H6PD: variants seen among roughly 807,000 people sequenced by gnomAD.
H6PD encodes the protein hexose-6-phosphate dehydrogenase/glucose 1-dehydrogenase, also known as GDH/6PGL endoplasmic bifunctional protein.
H6PD carries 48 observed loss-of-function variants against 61.2 expected under a neutral mutation model. That is an observed-to-expected ratio of 0.78 (90% CI 0.62 to 1.00). H6PD has a LOEUF of 1.00. H6PD is among the 50% of genes least tolerant of loss of function. H6PD has a pLI of 0.00. For synonymous variants in H6PD, 480 were observed against 457.9 expected, an observed-to-expected ratio of 1.05 and a Z score of -0.62; for missense variants, 1,093 against 1,065.0, an observed-to-expected ratio of 1.03 and a Z score of -0.37.
chr1:9,239,443 G>T (rs1038657744), intron 1 of H6PD, among the ~76,000 whole-genome samples: 2 of 152,200 alleles, frequency 1.3e-5, no homozygotes, highest in Non-Finnish European at 2.9e-5. Context: ...ATGCAGATCA[G>T]AGGTCATTGA....
Position 9,263,675 on chromosome 1 carries a change from G to A in H6PD, c.1182G>A (p.Leu394=), listed in dbSNP as rs1557750859. ...KHWAAAQSQC[L]PRQLVFHIGH... ...GGGCCGCGGCGCAGAGCCAGTGCCT[G>A]CCCCGGCAGCTCGTCTTCCACATCG... is the stretch of plus-strand genomic sequence containing the variant. The change falls in exon 5 of 5, where the codon CTG becomes CTA. Residue 394 remains leucine (L), a synonymous_variant. Transcript: ENST00000377403. The A allele has an allele frequency of 6.2e-7, 1 of 1,614,062 alleles. No individual in the cohort carries two copies. The highest frequency in any genetic ancestry group is 8.5e-7 in the Non-Finnish European group (1 of 1,180,014).
chr1:9,248,588 G>GT (rs1036961529), intron 3 of H6PD, among the ~76,000 whole-genome samples: 4 of 151,526 alleles, frequency 2.6e-5, no homozygotes, highest in African/African-American at 9.7e-5. Context: ...TTTGAGCTCA[G>GT]TAGTTGGACA....
In H6PD at chr1:9,264,379, C is replaced by T. The variant is rs762995061; in HGVS notation, c.1886C>T (p.Pro629Leu). Residue 629 changes from proline to leucine, a missense_variant, in exon 5 of 5, where the codon CCG becomes CTG. By Grantham distance (98) the Pro-to-Leu change is moderately conservative (BLOSUM62 -3). Transcript: ENST00000377403. ...GAGCGCTGCGTCCCACTCTCAGACC[C>T]GGAGTCCAACTTCCAGGGCCTGCAG... ...VDERCVPLSD[P>L]ESNFQGLQAH... The T allele has an allele frequency of 5.0e-5, 80 of 1,612,868 alleles. 1 individual carries two copies. Among genetic ancestry groups the T allele is most frequent in the East Asian group, 2.2e-5 (1 of 44,884 alleles).
In H6PD at chr1:9,253,491, CA is replaced by C. The variant is rs1382635431; in HGVS notation, c.745+6409del. On this transcript the variant is annotated intron_variant, in intron 3 of 4. Transcript: ENST00000377403. ...CCACTGTAATTCATTGATTGGAAGA[CA>C]TTTTTTTCATATTTGGACGTCTCTG... Among the ~76,000 whole-genome samples the C allele has an allele frequency of 5.3e-5, 8 of 152,320 alleles. No homozygotes were observed. The South Asian group carries it at 6.2e-4, about 12-fold the overall frequency.
intron 3 of H6PD, among the ~76,000 whole-genome samples, chr1:9,255,259 T>A (rs1187373736): frequency 6.7e-6 from 1 of 149,326 alleles, no homozygotes; most frequent in Admixed American, 6.7e-5. Flanking sequence ...TTGAGGCCAA[T>A]AACTCTTATT....
At chr1:9,251,297 C>G (rs901528418) in intron 3 of H6PD, among the ~76,000 whole-genome samples, 1 of 152,198 alleles carries the variant, frequency 6.6e-6, no homozygotes, top group Non-Finnish European at 1.5e-5. Context: ...GGTCTTGGCA[C>G]CTCAGAGCCT....
chr1:9,255,852 A>G (rs1445220332), intron 3 of H6PD, among the ~76,000 whole-genome samples: 2 of 152,124 alleles, frequency 1.3e-5, no homozygotes, highest in East Asian at 3.8e-4. Context: ...TCCTTCCAGA[A>G]GCTCAGCCGG....
chr1:9,248,315 G>A (rs1382485751), intron 3 of H6PD, among the ~76,000 whole-genome samples: 5 of 151,992 alleles, frequency 3.3e-5, no homozygotes, highest in South Asian at 4.1e-4. Flanking sequence ...TCTTTCCCCC[G>A]CCCCTTGGTT....
At chr1:9,244,421 A>G (rs1251542588) in intron 1 of H6PD, among the ~76,000 whole-genome samples, 2 of 152,208 alleles carry the variant, frequency 1.3e-5, no homozygotes, top group Non-Finnish European at 2.9e-5. Flanking sequence ...GTTATTAGTC[A>G]TCACTTGGTA....
rs1367244141 is a variant in H6PD at position 9,263,872 on chromosome 1, T to C, written c.1379T>C (p.Val460Ala). 1 of 1,613,972 alleles carries C rather than the reference T, an allele frequency of 6.2e-7. No individual in the cohort carries two copies. The highest frequency in any genetic ancestry group is 8.5e-7 in the Non-Finnish European group (1 of 1,180,020). ...SPVRERDAHS[V>A]LLSHIFHGRK... is the part of the protein sequence containing the mutation. ...GTGCGGGAGCGGGACGCCCACTCCG[T>C]CCTCTTATCCCATATCTTCCATGGC... The change falls in exon 5 of 5, where the codon GTC becomes GCC. Residue 460 changes from valine (V) to alanine (A), a missense_variant. Physicochemically the swap from Val to Ala is moderately conservative, Grantham distance 64 (BLOSUM62 0). Coordinates refer to ENST00000377403, the MANE Select transcript of H6PD (RefSeq NM_004285.4).
chr1:9,253,483 T>C (rs1641430451), intron 3 of H6PD, among the ~76,000 whole-genome samples: 1 of 152,234 alleles, frequency 6.6e-6, no homozygotes, highest in South Asian at 2.1e-4. Context: ...AATTCATTGA[T>C]TGGAAGACAT....
intron 3 of H6PD, 32 bp from the exon 4 acceptor site, chr1:9,262,027 A>G (rs773690898): frequency 2.5e-6 from 4 of 1,612,648 alleles, no homozygotes; most frequent in Admixed American, 1.7e-5. Context: ...CTCTCTTTAG[A>G]TCCTCCCCAC....
At chr1:9,246,028 C>T (rs1205240204) in intron 2 of H6PD, among the ~76,000 whole-genome samples, 4 of 151,764 alleles carry the variant, frequency 2.6e-5, no homozygotes, top group African/African-American at 9.7e-5. Flanking sequence ...CTGCAACCTC[C>T]GCCTCCTGGG....
chr1:9,262,123 G>A lies in H6PD; in HGVS notation c.810G>A (p.Glu270=), dbSNP rs758659563. The A allele has an allele frequency of 6.2e-7, 1 of 1,614,112 alleles. No homozygotes were observed. Among genetic ancestry groups the A allele is most frequent in the Non-Finnish European group, 8.5e-7 (1 of 1,180,036 alleles). The change falls in exon 4 of 5, where the codon GAG becomes GAA. Residue 270 remains glutamate, a synonymous_variant. Coordinates refer to ENST00000377403, the MANE Select transcript of H6PD (RefSeq NM_004285.4). The part of the protein sequence containing the change: ...IRDVLQNHLT[E]VLTLVAMELP... ...ACGTCCTCCAGAACCATCTGACGGA[G>A]GTCCTCACCCTCGTGGCCATGGAGC...
chr1:9,245,189 C>T lies in H6PD; in HGVS notation c.255C>T (p.Ser85=), dbSNP rs138775586. The part of the protein sequence containing the change: ...ELMAKALESL[S]CPKDMAPSHC... Reference sequence around the variant, plus strand: ...TGGCCAAGGCCCTGGAATCCCTCTCCTGCCCCAAGGACATGGCACCCAGTC... The same window carrying T: ...TGGCCAAGGCCCTGGAATCCCTCTCTTGCCCCAAGGACATGGCACCCAGTC... The change falls in exon 2 of 5, where the codon TCC becomes TCT. Residue 85 remains serine (S), a synonymous_variant. Transcript: ENST00000377403. This position sits in a 1 kb window ranked among gnomAD's most constrained non-coding sequence, Gnocchi z 4.8. 2.6e-3 allele frequency: 4,242 copies of T among 1,614,244 alleles called. 29 individuals carry two copies. The highest frequency in any genetic ancestry group is 0.015 in the South Asian group (1,373 of 91,088).
chr1:9,259,038 C>A (rs1410626420), intron 3 of H6PD, among the ~76,000 whole-genome samples: 1 of 152,162 alleles, frequency 6.6e-6, no homozygotes, highest in Non-Finnish European at 1.5e-5. Flanking sequence ...GTCGCCCAGG[C>A]TGGAGTGTAG....
intron 1 of H6PD, 87 bp downstream of exon 1, chr1:9,235,153 C>T (rs1246444145): frequency 6.6e-6 from 1 of 151,142 alleles, no homozygotes; most frequent in East Asian, 1.9e-4. Flanking sequence ...GCGCCGAGCC[C>T]CGGAGCCTGC....
intron 3 of H6PD, among the ~76,000 whole-genome samples, chr1:9,261,042 C>G (rs1638267096): frequency 1.3e-5 from 2 of 152,234 alleles, no homozygotes; most frequent in Admixed American, 1.3e-4. Flanking sequence ...TCTCCCTCCC[C>G]TCCAGCTCCT....
At chr1:9,251,843 T>C (rs1641374826) in intron 3 of H6PD, among the ~76,000 whole-genome samples, 1 of 151,156 alleles carries the variant, frequency 6.6e-6, no homozygotes, top group Non-Finnish European at 1.5e-5. Context: ...TCCCAGAAGG[T>C]GTTGATGGGG....
Sources: allele counts gnomAD v4.1 joint callset (sites outside exome capture counted in the v4.1 genomes callset), GRCh38; gene constraint gnomAD v4.1.1; non-coding constraint Gnocchi (gnomAD v3.1); transcripts MANE v1.5; gene names NCBI Gene and HGNC (gene_info 2026-07-23, HGNC 2026-07-21).